SGCD: variants seen among roughly 807,000 people sequenced by gnomAD.
SGCD encodes the protein delta-sarcoglycan.
SGCD carries 18 observed loss-of-function variants against 36.6 expected under a neutral mutation model. The ratio of observed to expected loss-of-function variants is 0.49; its 90% CI spans 0.34 to 0.73. The LOEUF (loss-of-function observed/expected upper bound fraction) is 0.73, where lower values mean the gene tolerates loss of function less well. Ranked by LOEUF, SGCD falls within the 30% of genes least tolerant of loss-of-function variation. The pLI is 0.01. For synonymous variants in SGCD, 133 were observed against 130.6 expected (o/e 1.02, Z -0.12); for missense variants, 387 against 346.7 (o/e 1.12, Z -0.92).
Position 156,421,740 on chromosome 5 carries a change from AATCACAG to A in SGCD, c.192+77066_192+77072del, listed in dbSNP as rs1773319542. Among the ~76,000 whole-genome samples the A allele has an allele frequency of 2.0e-5, 3 of 152,178 alleles. No homozygotes were observed. In the East Asian group the frequency reaches 5.8e-4, roughly 29 times the overall value. ...AGCTCTCTGTTGGGGTCCATTTGGA[AATCACAG>A]ATGCTACTGAAAAAGCAGGGGGAAT... On this transcript the variant is annotated intron_variant, in intron 3 of 8. Coordinates refer to ENST00000337851, the MANE Select transcript of SGCD (RefSeq NM_000337.6).
At chr5:156,595,936 A>G (rs190822921) in intron 6 of SGCD, among the ~76,000 whole-genome samples, 2 of 152,320 alleles carry the variant, frequency 1.3e-5, no homozygotes, top group East Asian at 1.9e-4. Context: ...TGCTGAAATG[A>G]TCTAGCATGG....
chr5:156,271,072 G>A (rs192086355), intron 3 of SGCD, among the ~76,000 whole-genome samples: 13 of 152,300 alleles, frequency 8.5e-5, no homozygotes, highest in Non-Finnish European at 1.6e-4. Context: ...TAATAGAGGC[G>A]TTTTGGAAAG....
chr5:156,747,384 G>A (rs1756984070), intron 7 of SGCD, among the ~76,000 whole-genome samples: 1 of 152,166 alleles, frequency 6.6e-6, no homozygotes, highest in Non-Finnish European at 1.5e-5. Flanking sequence ...TTAGCTGATG[G>A]ATCTGATTCA....
intron 3 of SGCD, among the ~76,000 whole-genome samples, chr5:156,388,320 G>C (rs1243224522): frequency 6.6e-6 from 1 of 152,142 alleles, no homozygotes; most frequent in African/African-American, 2.4e-5. Context: ...ATAGACCCTG[G>C]TTCATTAGCA....
chr5:156,248,145 G>T (rs1765483170), intron 3 of SGCD, among the ~76,000 whole-genome samples: 1 of 152,168 alleles, frequency 6.6e-6, no homozygotes, highest in Non-Finnish European at 1.5e-5. Context: ...GAGAGAGAGA[G>T]AATGGGAATG....
intron 3 of SGCD, among the ~76,000 whole-genome samples, chr5:156,293,646 T>A (rs566615021): frequency 6.6e-5 from 10 of 152,184 alleles, no homozygotes; most frequent in Admixed American, 2.0e-4. Context: ...AAGGTTTTTT[T>A]ATTCTATTTT....
chr5:156,482,158 G>C (rs1226987995), intron 3 of SGCD, among the ~76,000 whole-genome samples: 1 of 152,158 alleles, frequency 6.6e-6, no homozygotes, highest in East Asian at 1.9e-4. Flanking sequence ...AAGGGATTAG[G>C]TGTTGGATTC....
the SGCD span, among the ~76,000 whole-genome samples, chr5:155,817,790 G>A: frequency 6.6e-6 from 1 of 152,088 alleles, no homozygotes; most frequent in Non-Finnish European, 1.5e-5. Flanking sequence ...CGGTTGAAAC[G>A]GCAGGTAGGG....
chr5:156,555,418 G>A lies in SGCD; in HGVS notation c.295-33813G>A, dbSNP rs145071509. Among the ~76,000 whole-genome samples, 327 of 152,108 alleles carry A rather than the reference G, an allele frequency of 2.1e-3. 1 individual carries two copies. Among genetic ancestry groups the A allele is most frequent in the African/African-American group, 7.4e-3 (308 of 41,514 alleles). ...TGTGTATGTTGTTAGGTAGAGGGCC[G>A]TATTTATTCTTTTACATATAGCTAT... On this transcript the variant is annotated intron_variant, in intron 4 of 8. Transcript: ENST00000337851.
intron 3 of SGCD, among the ~76,000 whole-genome samples, chr5:156,135,869 G>A (rs115495357): frequency 6.6e-6 from 1 of 152,076 alleles, no homozygotes; most frequent in African/African-American, 2.4e-5. Context: ...CTGAAGGTTA[G>A]TTTTCAGGAT....
At chr5:155,806,699 T>TTACTCA in the SGCD span, among the ~76,000 whole-genome samples, 7 of 152,044 alleles carry the variant, frequency 4.6e-5, no homozygotes, top group African/African-American at 1.7e-4. Flanking sequence ...ACAGTTTGAG[T>TTACTCA]ATTCAGGAGT....
chr5:156,635,117 A>G (rs1265325901), intron 6 of SGCD, among the ~76,000 whole-genome samples: 2 of 151,870 alleles, frequency 1.3e-5, no homozygotes, highest in Non-Finnish European at 2.9e-5. Context: ...CAAGCTACTC[A>G]AGAGGCTGAG....
chr5:156,259,030 C>T (rs1765783047), intron 3 of SGCD, among the ~76,000 whole-genome samples: 1 of 152,020 alleles, frequency 6.6e-6, no homozygotes, highest in Admixed American at 6.6e-5. Context: ...AACTGGCAAA[C>T]ACGTCTTCAG....
At chr5:156,027,351 A>C (rs1234047666) in intron 1 of SGCD, among the ~76,000 whole-genome samples, 1 of 152,202 alleles carries the variant, frequency 6.6e-6, no homozygotes, top group Non-Finnish European at 1.5e-5. Context: ...GAAAGGGTTT[A>C]AAAGTGAATT....
At chr5:156,472,315 G>A (rs545796522) in intron 3 of SGCD, among the ~76,000 whole-genome samples, 4 of 152,220 alleles carry the variant, frequency 2.6e-5, no homozygotes, top group African/African-American at 9.6e-5. Context: ...CATAATAGCT[G>A]AAAAAATAGA....
chr5:156,223,453 A>G (rs1341097837), intron 3 of SGCD, among the ~76,000 whole-genome samples: 1 of 152,086 alleles, frequency 6.6e-6, no homozygotes. Context: ...TTTACAATGG[A>G]GAATAGCGGA....
At chr5:156,229,277 C>CATACATATATATAT (rs1764942419) in intron 3 of SGCD, among the ~76,000 whole-genome samples, 1 of 56,496 alleles carries the variant, frequency 1.8e-5, no homozygotes, top group African/African-American at 8.0e-5. Context: ...TATATACATA[C>CATACATATATATAT]ATATATATAT....
chr5:155,853,889 TTA>T, the SGCD span, among the ~76,000 whole-genome samples: 1 of 152,194 alleles, frequency 6.6e-6, no homozygotes, highest in Non-Finnish European at 1.5e-5. Flanking sequence ...AACATTTTAA[TTA>T]TCTGGCTTTG....
intron 4 of SGCD, among the ~76,000 whole-genome samples, chr5:156,573,139 C>A (rs1448656374): frequency 1.3e-5 from 2 of 151,958 alleles, no homozygotes; most frequent in Non-Finnish European, 2.9e-5. Flanking sequence ...AATACATGGT[C>A]ATTTCTTTTC....
Sources: gnomAD v4.1 joint callset for allele counts (sites outside exome capture counted in the v4.1 genomes callset) on GRCh38, gnomAD v4.1.1 for gene constraint, MANE v1.5 for transcripts, NCBI Gene and HGNC (gene_info 2026-07-23, HGNC 2026-07-21) for gene names.